ROBO2: variants seen among roughly 807,000 people sequenced by gnomAD.
ROBO2 encodes roundabout guidance receptor 2.
Under a neutral mutation model 160.8 loss-of-function variants are expected in ROBO2, and 53 were observed. The observed-to-expected ratio is 0.33, with a 90% CI of 0.26 to 0.41. The LOEUF is 0.41. Among genes scored for constraint, ROBO2 ranks in the 10% least tolerant of loss-of-function variants. The pLI is 1.00. For synonymous variants in ROBO2, 664 were observed against 611.7 expected (o/e 1.09, Z -1.26); for missense variants, 1,577 against 1,722.4 (o/e 0.92, Z 1.49).
intron 2 of ROBO2, among the ~76,000 whole-genome samples, chr3:76,297,124 G>A (rs545204366): frequency 2.0e-5 from 3 of 152,148 alleles, no homozygotes; most frequent in Non-Finnish European, 4.4e-5. Flanking sequence ...CTGGTTATGT[G>A]GGATTTTATA....
At chr3:75,992,534 C>T (rs1023399423) in intron 2 of ROBO2, among the ~76,000 whole-genome samples, 1 of 152,164 alleles carries the variant, frequency 6.6e-6, no homozygotes, top group Non-Finnish European at 1.5e-5. Flanking sequence ...AAGTTTGCTG[C>T]ATGGGTGGGG....
chr3:76,909,925 G>C lies in ROBO2; in HGVS notation c.110-188089G>C, dbSNP rs547444500. ...GCTGGACTTGGAATTAGAAAATAAG[G>C]GTTCCAGATTTCCTTCTCAAGAGCT... On this transcript the variant is annotated intron_variant, in intron 2 of 26. Coordinates refer to the ROBO2 transcript ENST00000487694. 3.9e-5 allele frequency among the ~76,000 whole-genome samples: 6 copies of C among 152,174 alleles called. No homozygotes were observed. The South Asian group carries it at 6.2e-4, about 16-fold the overall frequency.
chr3:77,257,208 A>T (rs539195810), intron 2 of ROBO2, among the ~76,000 whole-genome samples: 7 of 152,304 alleles, frequency 4.6e-5, no homozygotes, highest in African/African-American at 1.7e-4. Context: ...ACATAGTATA[A>T]AAAAAGCAGA....
chr3:76,498,063 G>C (rs2080250927), intron 2 of ROBO2, among the ~76,000 whole-genome samples: 1 of 152,116 alleles, frequency 6.6e-6, no homozygotes, highest in South Asian at 2.1e-4. Context: ...TTTGAAGATA[G>C]GTTTCAAGAA....
chr3:77,006,017 T>C (rs1559833276), intron 2 of ROBO2, among the ~76,000 whole-genome samples: 1 of 151,488 alleles, frequency 6.6e-6, no homozygotes, highest in Non-Finnish European at 1.5e-5. Flanking sequence ...GTTAGTCTTA[T>C]TTGAGCTTTA....
intron 2 of ROBO2, among the ~76,000 whole-genome samples, chr3:76,172,909 G>T (rs561047861): frequency 2.0e-5 from 3 of 151,986 alleles, no homozygotes; most frequent in Non-Finnish European, 4.4e-5. Context: ...GAGAAAGAAG[G>T]TCAGTGAAAC....
intron 2 of ROBO2, among the ~76,000 whole-genome samples, chr3:76,334,417 TGGATTTTACA>T (rs1169760877): frequency 6.6e-6 from 1 of 152,226 alleles, no homozygotes; most frequent in Admixed American, 6.5e-5. Context: ...GAAATCTGCT[TGGATTTTACA>T]GGGGAGGAAG....
At chr3:76,876,076 A>T (rs1471131087) in intron 2 of ROBO2, among the ~76,000 whole-genome samples, 4 of 152,090 alleles carry the variant, frequency 2.6e-5, no homozygotes, top group Non-Finnish European at 5.9e-5. Context: ...ATGTCAAGGT[A>T]ACATAGTCAC....
intron 2 of ROBO2, among the ~76,000 whole-genome samples, chr3:76,048,880 C>CATTTAATGTTAATACAATGTT (rs1439600152): frequency 6.6e-6 from 1 of 152,074 alleles, no homozygotes; most frequent in Non-Finnish European, 1.5e-5. Flanking sequence ...TAAATGTTAA[C>CATTTAATGTTAATACAATGTT]AAGATTAATC....
At chr3:77,545,465 T>C (rs1278099412) in intron 6 of ROBO2, among the ~76,000 whole-genome samples, 5 of 152,122 alleles carry the variant, frequency 3.3e-5, no homozygotes, top group Non-Finnish European at 5.9e-5. Context: ...TCTTATTGTG[T>C]TTCGTATATA....
At chr3:76,094,479 T>G (rs2069359368) in intron 2 of ROBO2, among the ~76,000 whole-genome samples, 1 of 152,208 alleles carries the variant, frequency 6.6e-6, no homozygotes. Context: ...GGGAGAAGGA[T>G]GCCCTGAGAC....
intron 2 of ROBO2, among the ~76,000 whole-genome samples, chr3:75,994,626 T>G (rs1350945147): frequency 6.6e-6 from 1 of 152,242 alleles, no homozygotes; most frequent in African/African-American, 2.4e-5. Flanking sequence ...TCTTTACAAA[T>G]TATCCAGTGT....
chr3:76,660,196 A>G (rs540317653), intron 2 of ROBO2, among the ~76,000 whole-genome samples: 1 of 152,288 alleles, frequency 6.6e-6, no homozygotes, highest in African/African-American at 2.4e-5. Flanking sequence ...TGGATTCACA[A>G]TTTTGTTTTC....
chr3:76,649,624 T>A (rs571441273), intron 2 of ROBO2, among the ~76,000 whole-genome samples: 7 of 152,282 alleles, frequency 4.6e-5, no homozygotes, highest in African/African-American at 9.6e-5. Flanking sequence ...TTCAAAAAAA[T>A]TTTTATATGG....
intron 2 of ROBO2, among the ~76,000 whole-genome samples, chr3:77,313,263 C>T (rs189273598): frequency 3.9e-5 from 6 of 152,192 alleles, no homozygotes; most frequent in Admixed American, 2.6e-4. Flanking sequence ...AACAATTGTA[C>T]ATATTTGTGA....
At chr3:77,317,031 G>A in intron 2 of ROBO2, 2 of 1,527,142 alleles carry the variant, frequency 1.3e-6, no homozygotes, top group South Asian at 1.1e-5. Flanking sequence ...AAATGGAGCC[G>A]CCAAACTCTG....
chr3:76,875,725 G>A (rs1577188586), intron 2 of ROBO2, among the ~76,000 whole-genome samples: 1 of 152,026 alleles, frequency 6.6e-6, no homozygotes, highest in African/African-American at 2.4e-5. Context: ...TGCCATCTCA[G>A]CTCACTGCAA....
chr3:75,908,306 G>C (rs548696188), intron 1 of ROBO2, among the ~76,000 whole-genome samples: 1 of 152,064 alleles, frequency 6.6e-6, no homozygotes, highest in South Asian at 2.1e-4. Flanking sequence ...GTTAATCAAA[G>C]TATGTAATAT....
At chr3:77,008,950 G>T (rs2061725131) in intron 2 of ROBO2, among the ~76,000 whole-genome samples, 1 of 152,032 alleles carries the variant, frequency 6.6e-6, no homozygotes, top group Non-Finnish European at 1.5e-5. Context: ...ATAGACTATT[G>T]TTTATTTTGT....
Sources: allele counts gnomAD v4.1 joint callset (sites outside exome capture counted in the v4.1 genomes callset), GRCh38; gene constraint gnomAD v4.1.1; transcripts MANE v1.5; gene names NCBI Gene and HGNC (gene_info 2026-07-23, HGNC 2026-07-21).